FAM227A: variants seen among roughly 807,000 people sequenced by gnomAD.
FAM227A encodes the protein family with sequence similarity 227 member A.
FAM227A carries 80 observed loss-of-function variants against 74.7 expected under a neutral mutation model. The observed-to-expected ratio is 1.07, with a 90% CI of 0.89 to 1.29. The LOEUF (loss-of-function observed/expected upper bound fraction) is 1.29. FAM227A is among the 50% of genes most tolerant of loss of function. The pLI is 0.00. For synonymous variants in FAM227A, 237 were observed against 241.8 expected, an observed-to-expected ratio of 0.98 and a Z score of 0.19; for missense variants, 654 against 683.4, an observed-to-expected ratio of 0.96 and a Z score of 0.48.
chr22:38,589,572 T>C (rs893449657), intron 16 of FAM227A, among the ~76,000 whole-genome samples: 1 of 152,114 alleles, frequency 6.6e-6, no homozygotes, highest in Non-Finnish European at 1.5e-5. Context: ...CAGTGACGCA[T>C]ATTAAGAAAA....
At chr22:38,625,199 C>G (rs893975418) in intron 9 of FAM227A, among the ~76,000 whole-genome samples, 1 of 151,822 alleles carries the variant, frequency 6.6e-6, no homozygotes, top group Non-Finnish European at 1.5e-5. Context: ...ACCATCCTGG[C>G]TAACACAGTG....
intron 6 of FAM227A, 192 bp from the exon 7 acceptor site, chr22:38,629,127 G>A: frequency 4.1e-6 from 2 of 483,816 alleles, no homozygotes; most frequent in South Asian, 5.5e-5. Context: ...CATAGATGAG[G>A]AAACCGAGGA....
At chr22:38,590,832 T>G (rs553419837) in intron 16 of FAM227A, among the ~76,000 whole-genome samples, 23 of 152,246 alleles carry the variant, frequency 1.5e-4, no homozygotes, top group Non-Finnish European at 3.1e-4. Context: ...GTCTCCAGGA[T>G]GGAGTGTAGT....
intron 1 of FAM227A, among the ~76,000 whole-genome samples, chr22:38,650,600 A>G (rs1249870098): frequency 6.6e-6 from 1 of 152,216 alleles, no homozygotes; most frequent in East Asian, 1.9e-4. Flanking sequence ...ATGAAATCAG[A>G]TCTCTTTGCT....
chr22:38,630,199 C>T (rs1371329740), intron 6 of FAM227A, among the ~76,000 whole-genome samples: 1 of 152,242 alleles, frequency 6.6e-6, no homozygotes, highest in Non-Finnish European at 1.5e-5. Context: ...TACCATCAGC[C>T]ATCTCTGGGA....
At chr22:38,613,316 TAA>T (rs2091488771) in intron 11 of FAM227A, among the ~76,000 whole-genome samples, 2 of 86,286 alleles carry the variant, frequency 2.3e-5, no homozygotes, top group South Asian at 2.8e-4. Context: ...ATATAACATA[TAA>T]TATATATCAT....
intron 8 of FAM227A, among the ~76,000 whole-genome samples, chr22:38,626,693 G>C (rs536058910): frequency 1.1e-4 from 16 of 150,496 alleles, no homozygotes; most frequent in African/African-American, 3.7e-4. Context: ...GTGAAACTGT[G>C]TCTCTACTAA....
In FAM227A at chr22:38,639,709, C is replaced by G; in HGVS notation, c.241G>C (p.Glu81Gln). The G allele has an allele frequency of 3.9e-6, 6 of 1,551,502 alleles. No individual in the cohort carries two copies. Among genetic ancestry groups the G allele is most frequent in the South Asian group, 1.2e-5 (1 of 84,036 alleles). ...TCTCTTAAAGCCTTCTTCTCCAACT[C>G]AAATCTCTCAATTGCCTTCAAAAAC... ...SANSLAIERF[E>Q]LEKKALREKT... Residue 81 changes from glutamate (E) to glutamine (Q), a missense_variant, in exon 4 of 17, where the codon GAG becomes CAG. Glu to Gln is a conservative substitution (Grantham distance 29). Coordinates refer to ENST00000535113, the MANE Select transcript of FAM227A (RefSeq NM_001013647.2).
chr22:38,626,866 A>C (rs2091812530), intron 8 of FAM227A, among the ~76,000 whole-genome samples: 1 of 49,822 alleles, frequency 2.0e-5, no homozygotes, highest in Admixed American at 2.2e-4. Flanking sequence ...ACTCTGTCTC[A>C]AAAAAAAAAA....
At chr22:38,653,560 A>G (rs1348661969) in intron 1 of FAM227A, among the ~76,000 whole-genome samples, 1 of 151,960 alleles carries the variant, frequency 6.6e-6, no homozygotes, top group Non-Finnish European at 1.5e-5. Context: ...TATTTTTAGT[A>G]GAGATGGGGT....
chr22:38,603,487 CAAA>C (rs71197122), intron 13 of FAM227A, among the ~76,000 whole-genome samples: 1 of 123,044 alleles, frequency 8.1e-6, no homozygotes. Flanking sequence ...GACTCCGTCT[CAAA>C]AAAAAAAAAA....
At chr22:38,613,091 TA>T (rs1458706339) in intron 11 of FAM227A, among the ~76,000 whole-genome samples, 2 of 96,854 alleles carry the variant, frequency 2.1e-5, no homozygotes, top group South Asian at 5.0e-4. Context: ...ATTATATATA[TA>T]TATTATATAT....
intron 8 of FAM227A, among the ~76,000 whole-genome samples, chr22:38,627,690 C>T (rs760296991): frequency 6.6e-6 from 1 of 152,030 alleles, no homozygotes. Flanking sequence ...CTGCAACCTC[C>T]GCCTCCCGGG....
At position 38,650,234 on chromosome 22, in the gene FAM227A, C is replaced by A; in HGVS notation, c.-66G>T. ...TTTTAAGAGCCTCTCATTTCCCACT[C>A]CAATCTTGTCGTTTGTTTAATCAGC... On this transcript the variant is annotated 5_prime_UTR_variant, in exon 2 of 17. The change creates a premature stop within an existing upstream ORF in the 5' untranslated region. Coordinates refer to ENST00000535113, the MANE Select transcript of FAM227A (RefSeq NM_001013647.2). 6.8e-7 allele frequency: 1 copy of A among 1,479,456 alleles called. No individual in the cohort carries two copies. The highest frequency in any genetic ancestry group is 9.2e-7 in the Non-Finnish European group (1 of 1,088,034). 91.6% of individuals were successfully genotyped at this position (1,479,456 alleles called of 1,614,324 possible).
rs148446201 is a variant in FAM227A, at chr22:38,644,008, G to A, written c.225+1555C>T. Among the ~76,000 whole-genome samples, 1,425 of 151,956 alleles carry A rather than the reference G, an allele frequency of 9.4e-3. 28 individuals carry two copies. Among genetic ancestry groups the A allele is most frequent in the African/African-American group, 0.033 (1,358 of 41,432 alleles). ...TAAAAATACAAAAAATTAGCCTGGCGTGGTGGCGGGCGCCTGTAGTTCCAG... is the reference window on the plus strand; with the variant it reads ...TAAAAATACAAAAAATTAGCCTGGCATGGTGGCGGGCGCCTGTAGTTCCAG... On this transcript the variant is annotated intron_variant, in intron 3 of 16. Coordinates refer to ENST00000535113, the MANE Select transcript of FAM227A (RefSeq NM_001013647.2).
At chr22:38,613,126 TTA>T (rs1311839062) in intron 11 of FAM227A, among the ~76,000 whole-genome samples, 106 of 92,838 alleles carry the variant, frequency 1.1e-3, no homozygotes, top group East Asian at 3.1e-3. Context: ...TTATATATAA[TTA>T]TATATATAAT....
intron 16 of FAM227A, among the ~76,000 whole-genome samples, chr22:38,591,078 T>C (rs1371937124): frequency 1.3e-5 from 2 of 152,164 alleles, no homozygotes; most frequent in East Asian, 3.9e-4. Flanking sequence ...CCACAGTGCC[T>C]GGCCATAAGT....
rs143826124 is a variant in FAM227A at position 38,615,150 on chromosome 22, G to A, written c.1038+5062C>T. On this transcript the variant is annotated intron_variant, in intron 11 of 16. Transcript: ENST00000535113. ...GCAATTATCCTGCCTCAGCCTCCCC[G>A]TAGCTGGGATTATAGGCACGCACTG... Among the ~76,000 whole-genome samples, 31 of 152,258 alleles carry A rather than the reference G, an allele frequency of 2.0e-4. 1 individual carries two copies. The highest frequency in any genetic ancestry group is 6.3e-4 in the African/African-American group (26 of 41,544).
intron 11 of FAM227A, among the ~76,000 whole-genome samples, chr22:38,613,424 T>TATATAATTATATA (rs71197123): frequency 8.8e-6 from 1 of 113,524 alleles, no homozygotes; most frequent in African/African-American, 3.5e-5. Context: ...ATATATATAA[T>TATATAATTATATA]TTGTTTGTTT....
Sources: gnomAD v4.1 joint callset for allele counts (sites outside exome capture counted in the v4.1 genomes callset) on GRCh38, gnomAD v4.1.1 for gene constraint, MANE v1.5 for transcripts, NCBI Gene and HGNC (gene_info 2026-07-23, HGNC 2026-07-21) for gene names.